CELF2: variants seen among roughly 807,000 people sequenced by gnomAD.
CELF2 encodes the protein CUGBP Elav-like family member 2.
CELF2 carries 8 observed loss-of-function variants against 62.6 expected under a neutral mutation model. That is an observed-to-expected ratio of 0.13 (90% CI 0.07 to 0.23). The LOEUF (loss-of-function observed/expected upper bound fraction) is 0.23, where lower values mean the gene tolerates loss of function less well. Ranked by LOEUF, CELF2 falls within the 10% of genes least tolerant of loss-of-function variation. CELF2 has a pLI of 1.00. For missense variants in CELF2, 333 were observed against 671.0 expected, an observed-to-expected ratio of 0.50 and a Z score of 5.56; for synonymous variants, 258 against 250.0, an observed-to-expected ratio of 1.03 and a Z score of -0.30.
the CELF2 span, among the ~76,000 whole-genome samples, chr10:10,525,207 G>A: frequency 4.6e-5 from 7 of 152,144 alleles, no homozygotes; most frequent in Middle Eastern, 3.4e-3. Context: ...CAGTCACCAC[G>A]CCATACAGTA....
At chr10:11,257,444 T>A in intron 4 of CELF2, 1 of 264,292 alleles carries the variant, frequency 3.8e-6, no homozygotes, top group Non-Finnish European at 7.5e-6. Flanking sequence ...GTCAGCGCAT[T>A]ACTGTTAGTT....
chr10:10,883,632 C>T (rs1750002217), intron 1 of CELF2, among the ~76,000 whole-genome samples: 1 of 152,132 alleles, frequency 6.6e-6, no homozygotes, highest in Admixed American at 6.5e-5. Flanking sequence ...GGACAGGATC[C>T]ATGGCCAGTG....
the CELF2 span, among the ~76,000 whole-genome samples, chr10:10,582,043 G>A: frequency 6.6e-5 from 10 of 151,936 alleles, no homozygotes; most frequent in African/African-American, 2.2e-4. Context: ...AAAGGGTGGG[G>A]GGTCACATAT....
At chr10:10,811,480 G>A (rs374110173) in intron 1 of CELF2, among the ~76,000 whole-genome samples, 27 of 152,034 alleles carry the variant, frequency 1.8e-4, no homozygotes, top group East Asian at 7.7e-4. Flanking sequence ...CCACAGAGAT[G>A]GGGGGAGAGG....
rs193295459 is a variant in CELF2 at position 11,184,926 on chromosome 10, T to C, written c.271+19244T>C. Reference sequence around the variant, plus strand: ...CGTCCACTATGGAGGTGAATAGAAATAGTGAGAGCAGACATTATTATCATG... The same window carrying C: ...CGTCCACTATGGAGGTGAATAGAAACAGTGAGAGCAGACATTATTATCATG... On this transcript the variant is annotated intron_variant, in intron 2 of 12. Transcript: ENST00000633077. 6.6e-3 allele frequency among the ~76,000 whole-genome samples: 1,010 copies of C among 152,240 alleles called. 6 individuals carry two copies. The highest frequency in any genetic ancestry group is 0.011 in the Non-Finnish European group (735 of 68,032).
intron 1 of CELF2, among the ~76,000 whole-genome samples, chr10:10,817,328 G>A (rs942716057): frequency 5.3e-5 from 8 of 152,080 alleles, no homozygotes; most frequent in Non-Finnish European, 1.0e-4. Flanking sequence ...CAAGCCAATA[G>A]CACTCTTTAA....
rs73579362 is a variant in CELF2 at position 11,234,221 on chromosome 10, G to T, written c.355-14932G>T. ...CTGCTGTTCTTCATTCCCCTCCATG[G>T]CTGAGGTCTCAGCTGCTCCTGTTCT... On this transcript the variant is annotated intron_variant, in intron 3 of 12. Transcript: ENST00000633077. 4.6e-3 allele frequency among the ~76,000 whole-genome samples: 700 copies of T among 152,206 alleles called. 11 individuals are homozygous for T. Among genetic ancestry groups the T allele is most frequent in the African/African-American group, 0.016 (672 of 41,504 alleles).
At chr10:10,724,587 C>T in the CELF2 span, among the ~76,000 whole-genome samples, 1 of 139,336 alleles carries the variant, frequency 7.2e-6, no homozygotes, top group Non-Finnish European at 1.5e-5. Flanking sequence ...AGCCAGGAGG[C>T]GGAGGTTGCA....
At chr10:10,685,749 G>A in the CELF2 span, among the ~76,000 whole-genome samples, 1 of 152,216 alleles carries the variant, frequency 6.6e-6, no homozygotes, top group South Asian at 2.1e-4. Context: ...AGACAAGTGT[G>A]AAAGAGTCTG....
the CELF2 span, among the ~76,000 whole-genome samples, chr10:10,510,223 A>C: frequency 6.6e-6 from 1 of 152,252 alleles, no homozygotes; most frequent in Admixed American, 6.5e-5. Flanking sequence ...CTATTCACAA[A>C]CCTGTAAGTG....
the CELF2 span, among the ~76,000 whole-genome samples, chr10:10,747,948 A>G: frequency 2.6e-5 from 4 of 152,164 alleles, no homozygotes; most frequent in African/African-American, 9.7e-5. Context: ...AGCCGGGTTT[A>G]CATTTTATTA....
the CELF2 span, among the ~76,000 whole-genome samples, chr10:10,528,177 G>A: frequency 1.3e-5 from 2 of 152,042 alleles, no homozygotes; most frequent in East Asian, 1.9e-4. Flanking sequence ...GTGTGTGTGT[G>A]TGTGATTGTC....
chr10:10,958,200 G>A (rs559310347), intron 2 of CELF2, among the ~76,000 whole-genome samples: 14 of 152,326 alleles, frequency 9.2e-5, no homozygotes, highest in South Asian at 8.3e-4. Context: ...GCATGAGGGA[G>A]AGGTTTTGCT....
chr10:10,465,823 A>G, the CELF2 span, among the ~76,000 whole-genome samples: 132 of 152,230 alleles, frequency 8.7e-4, no homozygotes, highest in African/African-American at 2.5e-3. Flanking sequence ...AATACAAGAC[A>G]ATTACCAGCT....
chr10:10,648,976 T>C, the CELF2 span, among the ~76,000 whole-genome samples: 1 of 152,324 alleles, frequency 6.6e-6, no homozygotes, highest in African/African-American at 2.4e-5. Context: ...TGAAATGTTA[T>C]GTGTTGCTCA....
chr10:11,017,876 C>A lies in CELF2; in HGVS notation c.-214C>A. The A allele has an allele frequency of 1.1e-6, 1 of 906,322 alleles. No individual in the cohort carries two copies. The highest frequency in any genetic ancestry group is 1.3e-6 in the Non-Finnish European group (1 of 759,980). 56.1% of individuals were successfully genotyped at this position (906,322 alleles called of 1,614,324 possible). A position where few individuals can be genotyped will look rare whatever the true frequency, so the allele number is the denominator to read the frequency against. On this transcript the variant is annotated 5_prime_UTR_variant, in exon 1 of 13. Coordinates refer to ENST00000633077, the MANE Select transcript of CELF2 (RefSeq NM_001326342.2). This position sits in a 1 kb window ranked among gnomAD's most constrained non-coding sequence, Gnocchi z 5.5. ...GGCGGGCGCCCCGCGAGCTCCGCCCCCGCCCGCCGCACCTGGCGCTCGGCA... is the reference window on the plus strand; with the variant it reads ...GGCGGGCGCCCCGCGAGCTCCGCCCACGCCCGCCGCACCTGGCGCTCGGCA...
chr10:11,063,427 T>C (rs1189919134), intron 1 of CELF2, among the ~76,000 whole-genome samples: 1 of 152,240 alleles, frequency 6.6e-6, no homozygotes. Flanking sequence ...CATGTCAATA[T>C]TGAAACTAGA....
chr10:11,006,682 T>C (rs2055336775), intron 1 of CELF2, among the ~76,000 whole-genome samples: 2 of 152,230 alleles, frequency 1.3e-5, no homozygotes, highest in African/African-American at 4.8e-5. Flanking sequence ...AGATAAACGG[T>C]TTAGAAATTC....
At chr10:10,903,716 C>A (rs2063113745) in intron 1 of CELF2, among the ~76,000 whole-genome samples, 1 of 151,828 alleles carries the variant, frequency 6.6e-6, no homozygotes, top group African/African-American at 2.4e-5. Context: ...CTGTACTAAA[C>A]CCCCCATTTC....
Sources: allele counts gnomAD v4.1 joint callset (sites outside exome capture counted in the v4.1 genomes callset), GRCh38; gene constraint gnomAD v4.1.1; non-coding constraint Gnocchi (gnomAD v3.1); transcripts MANE v1.5; gene names NCBI Gene and HGNC (gene_info 2026-07-23, HGNC 2026-07-21).